GALNTL6: variants seen among roughly 807,000 people sequenced by gnomAD.
GALNTL6 encodes polypeptide N-acetylgalactosaminyltransferase-like 6.
GALNTL6 carries 46 observed loss-of-function variants against 73.7 expected under a neutral mutation model. That is an observed-to-expected ratio of 0.62 (90% confidence interval 0.49 to 0.80). The LOEUF is 0.80. Among genes scored for constraint, GALNTL6 ranks in the 30% least tolerant of loss-of-function variants. The probability of loss-of-function intolerance (pLI) is 0.00; values close to 1 mark genes in which losing one functional copy is unlikely to be tolerated. For synonymous variants in GALNTL6, 259 were observed against 263.7 expected (o/e 0.98, Z 0.17); for missense variants, 604 against 755.0 (o/e 0.80, Z 2.34).
At chr4:171,924,221 C>T (rs1296918324) in intron 2 of GALNTL6, among the ~76,000 whole-genome samples, 1 of 151,060 alleles carries the variant, frequency 6.6e-6, no homozygotes, top group Non-Finnish European at 1.5e-5. Context: ...CACAAACACA[C>T]ACACACAGAG....
chr4:172,632,054 T>A (rs1354039554), intron 5 of GALNTL6, among the ~76,000 whole-genome samples: 1 of 152,228 alleles, frequency 6.6e-6, no homozygotes, highest in Non-Finnish European at 1.5e-5. Context: ...GTGACTTTGT[T>A]CCTCTTTTGC....
At chr4:172,431,928 AATC>A (rs1414683202) in intron 5 of GALNTL6, among the ~76,000 whole-genome samples, 5 of 152,176 alleles carry the variant, frequency 3.3e-5, no homozygotes, top group Non-Finnish European at 7.4e-5. Flanking sequence ...ATATGACACT[AATC>A]ATAATTCTCT....
intron 2 of GALNTL6, among the ~76,000 whole-genome samples, chr4:172,145,528 T>C (rs1256259366): frequency 6.6e-6 from 1 of 152,148 alleles, no homozygotes; most frequent in Non-Finnish European, 1.5e-5. Context: ...TACAAGCATA[T>C]ATATGGCATG....
At chr4:172,167,627 G>A (rs1030526534) in intron 2 of GALNTL6, among the ~76,000 whole-genome samples, 5 of 152,132 alleles carry the variant, frequency 3.3e-5, no homozygotes, top group African/African-American at 1.2e-4. Flanking sequence ...TTTTTAGTAA[G>A]GTTTTCAAGT....
chr4:172,146,878 AT>A (rs1458851871), intron 2 of GALNTL6, among the ~76,000 whole-genome samples: 4 of 152,226 alleles, frequency 2.6e-5, no homozygotes, highest in Non-Finnish European at 4.4e-5. Flanking sequence ...ATAAGCACAT[AT>A]TAGCTACAAT....
At chr4:172,272,440 G>A (rs1216872593) in intron 3 of GALNTL6, among the ~76,000 whole-genome samples, 1 of 152,168 alleles carries the variant, frequency 6.6e-6, no homozygotes, top group African/African-American at 2.4e-5. Flanking sequence ...TATACCTATT[G>A]CTCCTAGGTT....
At chr4:171,973,703 C>A (rs1331245595) in intron 2 of GALNTL6, among the ~76,000 whole-genome samples, 1 of 152,126 alleles carries the variant, frequency 6.6e-6, no homozygotes, top group African/African-American at 2.4e-5. Flanking sequence ...AGAATTCAAT[C>A]CACAGCAGGA....
At chr4:172,673,904 G>A (rs1449674172) in intron 5 of GALNTL6, among the ~76,000 whole-genome samples, 1 of 152,158 alleles carries the variant, frequency 6.6e-6, no homozygotes, top group Non-Finnish European at 1.5e-5. Flanking sequence ...GCATACCAAT[G>A]GGTCTTGGTT....
chr4:172,316,096 T>A (rs746910221), intron 4 of GALNTL6, among the ~76,000 whole-genome samples: 2 of 152,108 alleles, frequency 1.3e-5, no homozygotes, highest in African/African-American at 4.8e-5. Context: ...GAAGAATTAA[T>A]CAAAAGTTAT....
At chr4:172,873,061 C>T (rs1745025691) in intron 7 of GALNTL6, among the ~76,000 whole-genome samples, 1 of 152,218 alleles carries the variant, frequency 6.6e-6, no homozygotes, top group Admixed American at 6.5e-5. Context: ...TAAAATTCTT[C>T]AGTGGTACCT....
intron 12 of GALNTL6, among the ~76,000 whole-genome samples, chr4:173,024,401 C>G (rs1438250514): frequency 6.6e-6 from 1 of 152,212 alleles, no homozygotes; most frequent in East Asian, 1.9e-4. Context: ...TCTGAAATAT[C>G]ACATCTTGGT....
intron 5 of GALNTL6, among the ~76,000 whole-genome samples, chr4:172,784,748 A>G (rs1459475678): frequency 1.3e-5 from 2 of 152,202 alleles, no homozygotes; most frequent in African/African-American, 4.8e-5. Context: ...AAGTATGCTT[A>G]TAATGTACTG....
intron 2 of GALNTL6, among the ~76,000 whole-genome samples, chr4:172,138,752 A>G (rs1029272393): frequency 6.7e-6 from 1 of 150,142 alleles, no homozygotes; most frequent in Non-Finnish European, 1.5e-5. Context: ...GATGGTTTCG[A>G]TCTCCTGACC....
chr4:172,898,411 G>A (rs899674089), intron 8 of GALNTL6, among the ~76,000 whole-genome samples: 1 of 141,898 alleles, frequency 7.0e-6, no homozygotes, highest in African/African-American at 2.6e-5. Flanking sequence ...AGAAAATAAA[G>A]AGCAAAAGGT....
At chr4:172,265,130 C>T (rs547642019) in intron 3 of GALNTL6, among the ~76,000 whole-genome samples, 7 of 151,898 alleles carry the variant, frequency 4.6e-5, no homozygotes, top group Non-Finnish European at 1.0e-4. Flanking sequence ...CTGAAAGGTG[C>T]TTCAATTTGC....
At chr4:172,480,469 G>A (rs1407436371) in intron 5 of GALNTL6, among the ~76,000 whole-genome samples, 1 of 152,138 alleles carries the variant, frequency 6.6e-6, no homozygotes, top group African/African-American at 2.4e-5. Flanking sequence ...TTTAATAGTT[G>A]AAATCAATTG....
At chr4:171,891,963 G>A (rs1456241328) in intron 2 of GALNTL6, among the ~76,000 whole-genome samples, 1 of 152,126 alleles carries the variant, frequency 6.6e-6, no homozygotes, top group Non-Finnish European at 1.5e-5. Flanking sequence ...TCCAAAATCT[G>A]AAATGCTCAC....
chr4:172,528,963 A>ATATATATATATATATATATATATATATG lies in GALNTL6; in HGVS notation c.553+180275_553+180276insATATATATATATATATATATATATATGT, dbSNP rs1350827830. On this transcript the variant is annotated intron_variant, in intron 5 of 12. Transcript: ENST00000506823. ...TGTTTTCCCAAAGGCATATATATAT[A>ATATATATATATATATATATATATATATG]TGTGTGTGTATATTTATACATATGT... Among the ~76,000 whole-genome samples the ATATATATATATATATATATATATATATG allele has an allele frequency of 1.7e-3, 50 of 30,168 alleles. 2 individuals are homozygous for ATATATATATATATATATATATATATATG. Among genetic ancestry groups the ATATATATATATATATATATATATATATG allele is most frequent in the Non-Finnish European group, 3.0e-3 (35 of 11,736 alleles). The allele number at this position is 30,168 out of a possible 152,430, so 19.8% of individuals were successfully genotyped here.
chr4:172,832,968 C>G (rs777763932), intron 7 of GALNTL6, among the ~76,000 whole-genome samples: 12 of 152,138 alleles, frequency 7.9e-5, no homozygotes, highest in Non-Finnish European at 1.5e-5. Context: ...CTATCTTGTG[C>G]AGGCCTATGT....
Sources: gnomAD v4.1 joint callset for allele counts (sites outside exome capture counted in the v4.1 genomes callset) on GRCh38, gnomAD v4.1.1 for gene constraint, MANE v1.5 for transcripts, NCBI Gene and HGNC (gene_info 2026-07-23, HGNC 2026-07-21) for gene names.